Variants in ZFAT observed in about 807,000 individuals in gnomAD.
ZFAT encodes zinc finger protein ZFAT.
ZFAT carries 64 observed loss-of-function variants against 117.7 expected under a neutral mutation model. That is an observed-to-expected ratio of 0.54 (90% CI 0.44 to 0.67). The LOEUF (loss-of-function observed/expected upper bound fraction) is 0.67. ZFAT is among the 30% of genes least tolerant of loss of function. The pLI is 0.00. For synonymous variants in ZFAT, 679 were observed against 615.0 expected, an observed-to-expected ratio of 1.10 and a Z score of -1.54; for missense variants, 1,433 against 1,584.5, an observed-to-expected ratio of 0.90 and a Z score of 1.62.
the ZFAT span, among the ~76,000 whole-genome samples, chr8:134,817,360 T>G: frequency 6.6e-6 from 1 of 150,480 alleles, no homozygotes; most frequent in Non-Finnish European, 1.5e-5. Context: ...CACGAGCCAA[T>G]TTCTTAAAAT....
chr8:134,823,107 T>A, the ZFAT span, among the ~76,000 whole-genome samples: 1 of 152,124 alleles, frequency 6.6e-6, no homozygotes, highest in Admixed American at 6.5e-5. Context: ...CACCTGGTCA[T>A]GGGAACTCAA....
At chr8:134,804,476 C>T in the ZFAT span, among the ~76,000 whole-genome samples, 3,434 of 152,212 alleles carry the variant, frequency 0.023, 124 homozygotes, top group African/African-American at 0.078. Context: ...AGATTGCATA[C>T]TGCTGGGTGG....
chr8:134,673,521 T>G (rs1301435328), intron 1 of ZFAT: 2 of 209,504 alleles, frequency 9.5e-6, no homozygotes, highest in African/African-American at 2.3e-5. Context: ...CCATAAACCT[T>G]ATTCTTGTAC....
At chr8:134,626,439 A>G (rs1342438067) in intron 3 of ZFAT, among the ~76,000 whole-genome samples, 1 of 152,222 alleles carries the variant, frequency 6.6e-6, no homozygotes, top group Non-Finnish European at 1.5e-5. Flanking sequence ...TTCTTCATCT[A>G]AAAAAGAGAA....
intron 7 of ZFAT, chr8:134,599,650 T>C: frequency 2.5e-6 from 1 of 405,268 alleles, no homozygotes; most frequent in South Asian, 1.8e-5. Context: ...CAGGAAACCA[T>C]GGTAGCACAT....
intron 7 of ZFAT, among the ~76,000 whole-genome samples, chr8:134,591,865 C>G (rs1036270452): frequency 2.0e-5 from 3 of 152,194 alleles, no homozygotes; most frequent in Admixed American, 2.0e-4. Context: ...GCCCTGCCAA[C>G]ACCTTGACCT....
At chr8:134,620,572 G>C (rs944172638) in intron 3 of ZFAT, among the ~76,000 whole-genome samples, 2 of 152,190 alleles carry the variant, frequency 1.3e-5, no homozygotes, top group Non-Finnish European at 2.9e-5. Flanking sequence ...CCAGAGTTCT[G>C]TTCAACAAAT....
At chr8:134,830,871 T>C in the ZFAT span, among the ~76,000 whole-genome samples, 2 of 152,184 alleles carry the variant, frequency 1.3e-5, no homozygotes, top group African/African-American at 4.8e-5. Context: ...AGAGTTTAAC[T>C]ATGGATAATT....
intron 15 of ZFAT, among the ~76,000 whole-genome samples, chr8:134,486,333 C>G (rs1054572006): frequency 2.0e-5 from 3 of 150,842 alleles, no homozygotes; most frequent in South Asian, 2.1e-4. Flanking sequence ...CTCTTTAGGA[C>G]AGGAATCATC....
At chr8:134,821,535 A>T in the ZFAT span, among the ~76,000 whole-genome samples, 1 of 151,592 alleles carries the variant, frequency 6.6e-6, no homozygotes, top group Non-Finnish European at 1.5e-5. Flanking sequence ...AAACCATGTC[A>T]CATGCATGCG....
chr8:134,605,264 C>T (rs7001665), intron 5 of ZFAT, among the ~76,000 whole-genome samples: 45,617 of 152,108 alleles, frequency 0.3, 7,127 homozygotes, highest in East Asian at 0.54. Context: ...CAAAGGAATC[C>T]GGCCAGGCGC....
chr8:134,592,538 A>C (rs1826584624), intron 7 of ZFAT, among the ~76,000 whole-genome samples: 1 of 152,226 alleles, frequency 6.6e-6, no homozygotes, highest in Non-Finnish European at 1.5e-5. Flanking sequence ...CATCTGTAAA[A>C]TGGAAATAAA....
At chr8:134,716,101 A>G (rs1434623819), upstream of ZFAT, among the ~76,000 whole-genome samples, 2 of 151,532 alleles carry the variant, frequency 1.3e-5, no homozygotes, top group Non-Finnish European at 2.9e-5. Context: ...CACTCCTCCA[A>G]CCTGGGCAGC....
intron 13 of ZFAT, among the ~76,000 whole-genome samples, chr8:134,518,490 G>A (rs13256684): frequency 6.6e-6 from 1 of 151,820 alleles, no homozygotes; most frequent in Non-Finnish European, 1.5e-5. Context: ...TTCCATCCAG[G>A]GCTAATTTTA....
the ZFAT span, among the ~76,000 whole-genome samples, chr8:134,831,820 G>C: frequency 6.6e-6 from 1 of 151,776 alleles, no homozygotes; most frequent in South Asian, 2.1e-4. Flanking sequence ...CCTGAGGGAC[G>C]GGGGCGCCAA....
At chr8:134,683,484 G>C (rs982473218) in intron 1 of ZFAT, among the ~76,000 whole-genome samples, 3 of 152,202 alleles carry the variant, frequency 2.0e-5, no homozygotes, top group Non-Finnish European at 4.4e-5. Context: ...TGGAGCACCT[G>C]GAAGAGGTTT....
chr8:134,701,357 C>G (rs1299997656), intron 1 of ZFAT, among the ~76,000 whole-genome samples: 1 of 152,192 alleles, frequency 6.6e-6, no homozygotes, highest in Non-Finnish European at 1.5e-5. Flanking sequence ...GGTTTCCACC[C>G]TTTTTAAGGC....
chr8:134,545,103 G>A (rs1413567547), intron 11 of ZFAT, among the ~76,000 whole-genome samples: 1 of 152,156 alleles, frequency 6.6e-6, no homozygotes, highest in African/African-American at 2.4e-5. Context: ...TTCACATGGT[G>A]GACTCATGTT....
chr8:134,534,775 A>AAGAGAGAGAGAGAGAGAGAG (rs36097833), intron 11 of ZFAT, among the ~76,000 whole-genome samples: 4 of 136,342 alleles, frequency 2.9e-5, no homozygotes, highest in Non-Finnish European at 1.5e-5. Flanking sequence ...GAGAGGGAGA[A>AAGAGAGAGAGAGAGAGAGAG]AGAGAGAGAG....
Sources: gnomAD v4.1 joint callset for allele counts (sites outside exome capture counted in the v4.1 genomes callset) on GRCh38, gnomAD v4.1.1 for gene constraint, MANE v1.5 for transcripts, NCBI Gene and HGNC (gene_info 2026-07-23, HGNC 2026-07-21) for gene names.